The following LDB2 variants were observed in gnomAD, a reference collection of about 807,000 sequenced individuals.
LDB2 encodes LIM domain-binding protein 2.
LDB2 carries 12 observed loss-of-function variants against 44.3 expected under a neutral mutation model. The observed-to-expected ratio is 0.27, with a 90% CI of 0.17 to 0.44. LDB2 has a LOEUF of 0.44. Among genes scored for constraint, LDB2 ranks in the 20% least tolerant of loss-of-function variants. The pLI, the probability that LDB2 is intolerant of heterozygous loss-of-function variation, is 1.00. For synonymous variants in LDB2, 164 were observed against 174.8 expected, an observed-to-expected ratio of 0.94 and a Z score of 0.49; for missense variants, 344 against 473.5, an observed-to-expected ratio of 0.73 and a Z score of 2.54.
chr4:16,807,301 C>T (rs952398609), intron 1 of LDB2, among the ~76,000 whole-genome samples: 1 of 152,160 alleles, frequency 6.6e-6, no homozygotes, highest in South Asian at 2.1e-4. Context: ...TAGAATATTT[C>T]AAGAGCCATA....
At chr4:16,866,562 T>G (rs1263096106) in intron 1 of LDB2, among the ~76,000 whole-genome samples, 3 of 152,122 alleles carry the variant, frequency 2.0e-5, no homozygotes, top group Non-Finnish European at 4.4e-5. Flanking sequence ...AACATTATAC[T>G]CTAGGTTAGT....
At chr4:16,661,923 G>T (rs1316046779) in intron 2 of LDB2, among the ~76,000 whole-genome samples, 1 of 152,098 alleles carries the variant, frequency 6.6e-6, no homozygotes, top group Non-Finnish European at 1.5e-5. Flanking sequence ...TAATTACTGG[G>T]GCAGGTAGCA....
intron 2 of LDB2, chr4:16,752,585 A>G: frequency 3.2e-6 from 1 of 309,764 alleles, no homozygotes; most frequent in South Asian, 2.8e-5. Flanking sequence ...GGTTTAACTC[A>G]CTCACTTATT....
intron 2 of LDB2, among the ~76,000 whole-genome samples, chr4:16,607,898 T>C (rs1468283622): frequency 6.6e-6 from 1 of 151,916 alleles, no homozygotes; most frequent in African/African-American, 2.4e-5. Flanking sequence ...TACGCACGGG[T>C]TTCTAACACA....
chr4:16,574,094 A>G (rs960248450), intron 5 of LDB2, among the ~76,000 whole-genome samples: 6 of 152,194 alleles, frequency 3.9e-5, no homozygotes, highest in Non-Finnish European at 8.8e-5. Flanking sequence ...TCCTGTTGCT[A>G]TCAGCGGAGG....
intron 5 of LDB2, among the ~76,000 whole-genome samples, chr4:16,567,022 A>C (rs1032477345): frequency 6.6e-6 from 1 of 152,244 alleles, no homozygotes; most frequent in Non-Finnish European, 1.5e-5. Flanking sequence ...TCATTTTCAT[A>C]TGCTGCTGGT....
intron 1 of LDB2, among the ~76,000 whole-genome samples, chr4:16,780,861 C>T (rs913377977): frequency 2.0e-5 from 3 of 152,138 alleles, no homozygotes; most frequent in East Asian, 3.9e-4. Flanking sequence ...GAGGCAATAG[C>T]TTCTTGGAAG....
rs77865897 is a variant in LDB2 at position 16,811,441 on chromosome 4, C to A, written c.133-52181G>T. Reference sequence around the variant, plus strand: ...TATATTGGTTTTAATCAAGTATTCACATATTGCTATGACTAAACTTGGACT... The same window carrying A: ...TATATTGGTTTTAATCAAGTATTCAAATATTGCTATGACTAAACTTGGACT... On this transcript the variant is annotated intron_variant, in intron 1 of 7. Transcript: ENST00000304523. 6.5e-3 allele frequency among the ~76,000 whole-genome samples: 995 copies of A among 152,306 alleles called. 22 individuals carry two copies. The highest frequency in any genetic ancestry group is 0.023 in the African/African-American group (961 of 41,578).
intron 1 of LDB2, among the ~76,000 whole-genome samples, chr4:16,824,549 C>T (rs1782699260): frequency 2.0e-5 from 3 of 152,324 alleles, no homozygotes; most frequent in African/African-American, 4.8e-5. Flanking sequence ...TAGGTTTTAT[C>T]ATCCTCATTT....
chr4:16,634,834 A>G (rs541953346), intron 2 of LDB2, among the ~76,000 whole-genome samples: 2 of 152,340 alleles, frequency 1.3e-5, no homozygotes, highest in East Asian at 3.9e-4. Context: ...ATAAAGACAC[A>G]TGCACACGTA....
chr4:16,588,727 T>C lies in LDB2; in HGVS notation c.514A>G (p.Ser172Gly). 2 of 1,613,898 alleles carry C rather than the reference T, an allele frequency of 1.2e-6. No homozygotes were observed. The highest frequency in any genetic ancestry group is 1.7e-6 in the Non-Finnish European group (2 of 1,179,864). The stretch of plus-strand genomic sequence containing the variant: ...TTACTTACATGCATGGCTAGGATGC[T>C]TCTCGGGACTAACTCTCGGTATTGT... The part of the protein sequence containing the change: ...IRQYRELVPR[S>G]ILAMHAQDPQ... The change falls in exon 4 of 8, where the codon AGC becomes GGC. Residue 172 changes from serine (S) to glycine (G), a missense_variant. Coordinates refer to ENST00000304523, the MANE Select transcript of LDB2 (RefSeq NM_001290.5).
chr4:16,632,649 T>A (rs1000714798), intron 2 of LDB2, among the ~76,000 whole-genome samples: 4 of 152,192 alleles, frequency 2.6e-5, no homozygotes. Flanking sequence ...TGTCTCTGTT[T>A]GCAGATAACA....
intron 2 of LDB2, among the ~76,000 whole-genome samples, chr4:16,710,900 A>C (rs577508260): frequency 6.6e-6 from 1 of 152,312 alleles, no homozygotes; most frequent in Admixed American, 6.5e-5. Flanking sequence ...GGGCTAAAGT[A>C]CCGAAAGGCA....
intron 1 of LDB2, among the ~76,000 whole-genome samples, chr4:16,816,271 T>A (rs926003511): frequency 1.7e-4 from 26 of 152,174 alleles, no homozygotes; most frequent in African/African-American, 6.3e-4. Context: ...TGTGTGGATA[T>A]CCATGGTATT....
chr4:16,580,464 G>T (rs925638547), intron 5 of LDB2, among the ~76,000 whole-genome samples: 1 of 152,160 alleles, frequency 6.6e-6, no homozygotes, highest in Non-Finnish European at 1.5e-5. Context: ...CTGACAATAT[G>T]AACTGGAAGC....
chr4:16,667,642 G>GACTCATGGATGGCAATAGGTTT (rs1174489372), intron 2 of LDB2, among the ~76,000 whole-genome samples: 1 of 152,214 alleles, frequency 6.6e-6, no homozygotes, highest in Non-Finnish European at 1.5e-5. Flanking sequence ...CTGCAAGGCT[G>GACTCATGGATGGCAATAGGTTT]ACTCATGGAT....
chr4:16,884,493 C>G (rs1183215172), intron 1 of LDB2, among the ~76,000 whole-genome samples: 3 of 152,130 alleles, frequency 2.0e-5, no homozygotes, highest in Non-Finnish European at 2.9e-5. Context: ...AGACCTTAAG[C>G]CTCAGCAGTG....
chr4:16,688,274 A>C (rs887570205), intron 2 of LDB2, among the ~76,000 whole-genome samples: 1 of 152,174 alleles, frequency 6.6e-6, no homozygotes, highest in Non-Finnish European at 1.5e-5. Flanking sequence ...CATGAAATAA[A>C]AAATTTTTGA....
intron 1 of LDB2, among the ~76,000 whole-genome samples, chr4:16,781,287 C>T (rs193175720): frequency 2.0e-4 from 30 of 152,274 alleles, no homozygotes; most frequent in Admixed American, 4.6e-4. Context: ...CTGTCATGCG[C>T]GGCAGTTTCT....
Sources: allele counts gnomAD v4.1 joint callset (sites outside exome capture counted in the v4.1 genomes callset), GRCh38; gene constraint gnomAD v4.1.1; transcripts MANE v1.5; gene names NCBI Gene and HGNC (gene_info 2026-07-23, HGNC 2026-07-21).